LDHC: variants seen among roughly 807,000 people sequenced by gnomAD.
LDHC encodes the protein L-lactate dehydrogenase C chain.
A neutral mutation model predicts 30.2 loss-of-function variants in LDHC; 20 were observed. The ratio of observed to expected loss-of-function variants is 0.66; its 90% CI spans 0.47 to 0.96. The LOEUF (loss-of-function observed/expected upper bound fraction) is 0.96, where lower values mean the gene tolerates loss of function less well. Ranked by LOEUF, LDHC falls within the 40% of genes least tolerant of loss-of-function variation. The pLI is 0.00. For synonymous variants in LDHC, 139 were observed against 132.7 expected, an observed-to-expected ratio of 1.05 and a Z score of -0.32; for missense variants, 362 against 394.9, an observed-to-expected ratio of 0.92 and a Z score of 0.71.
rs1028686893 is a variant in LDHC, at chr11:18,446,381, A to G, written c.834+48A>G. The G allele has an allele frequency of 2.3e-6, 3 of 1,323,654 alleles. No individual in the cohort carries two copies. In the African/African-American group the frequency reaches 4.4e-5, roughly 19 times the overall value. The allele number at this position is 1,323,654 out of a possible 1,614,324, so 82.0% of individuals were successfully genotyped here. ...TTTATCATTCTTTCCTTTAATATTTATTGGGTCACTACTATATGCCAGGCA... is the reference window on the plus strand; with the variant it reads ...TTTATCATTCTTTCCTTTAATATTTGTTGGGTCACTACTATATGCCAGGCA... On this transcript the variant is annotated intron_variant, in intron 7 of 7. Transcript: ENST00000541669.
intron 6 of LDHC, among the ~76,000 whole-genome samples, chr11:18,441,880 T>C (rs926431956): frequency 1.3e-5 from 2 of 152,082 alleles, no homozygotes; most frequent in Non-Finnish European, 2.9e-5. Flanking sequence ...CACTCCAGCA[T>C]GGGCGACAGA....
chr11:18,441,784 C>A (rs951049907), intron 6 of LDHC, among the ~76,000 whole-genome samples: 2 of 151,672 alleles, frequency 1.3e-5, no homozygotes, highest in African/African-American at 4.8e-5. Context: ...TGGTGGCGGG[C>A]GCCTGTAATC....
At chr11:18,424,777 G>T (rs1201335330) in intron 3 of LDHC, among the ~76,000 whole-genome samples, 3 of 152,240 alleles carry the variant, frequency 2.0e-5, no homozygotes, top group Non-Finnish European at 4.4e-5. Flanking sequence ...GGAGGCCGAG[G>T]TGGGCGGATC....
intron 3 of LDHC, among the ~76,000 whole-genome samples, chr11:18,419,000 C>T (rs1410753815): frequency 6.6e-6 from 1 of 152,114 alleles, no homozygotes; most frequent in African/African-American, 2.4e-5. Context: ...ACATGGTGGA[C>T]ATCAATTTTG....
intron 6 of LDHC, among the ~76,000 whole-genome samples, chr11:18,439,545 A>G (rs1249205485): frequency 3.4e-5 from 5 of 144,988 alleles, no homozygotes; most frequent in African/African-American, 1.3e-4. Context: ...CCTGGGCAAC[A>G]AGAGTGAAAC....
chr11:18,414,209 A>G (rs1866962351), intron 2 of LDHC, among the ~76,000 whole-genome samples: 1 of 152,206 alleles, frequency 6.6e-6, no homozygotes, highest in Non-Finnish European at 1.5e-5. Flanking sequence ...TTCAAACTTC[A>G]TAGACATGCT....
At chr11:18,424,530 G>A (rs2134053386) in intron 3 of LDHC, among the ~76,000 whole-genome samples, 1 of 152,260 alleles carries the variant, frequency 6.6e-6, no homozygotes, top group South Asian at 2.1e-4. Flanking sequence ...AGAACGTATT[G>A]TAGTAGCCCC....
At chr11:18,443,360 C>T (rs1371324810) in intron 6 of LDHC, among the ~76,000 whole-genome samples, 1 of 152,108 alleles carries the variant, frequency 6.6e-6, no homozygotes, top group Non-Finnish European at 1.5e-5. Flanking sequence ...TATGGAGCAG[C>T]CCATCTACCT....
intron 3 of LDHC, among the ~76,000 whole-genome samples, chr11:18,426,757 T>G (rs1336866913): frequency 1.3e-5 from 2 of 152,104 alleles, no homozygotes; most frequent in South Asian, 4.1e-4. Flanking sequence ...ATATGATAAA[T>G]AATGAATGAT....
chr11:18,442,420 T>G (rs1848482276), intron 6 of LDHC, among the ~76,000 whole-genome samples: 1 of 152,184 alleles, frequency 6.6e-6, no homozygotes, highest in African/African-American at 2.4e-5. Flanking sequence ...TCATATATTC[T>G]TCAGAGTTCA....
intron 2 of LDHC, among the ~76,000 whole-genome samples, chr11:18,413,240 C>T (rs1482481009): frequency 6.6e-6 from 1 of 151,606 alleles, no homozygotes; most frequent in Non-Finnish European, 1.5e-5. Context: ...CACCACCAGG[C>T]CTGGCTAATT....
At chr11:18,450,142 A>G (rs959068312) in intron 7 of LDHC, 6 of 152,338 alleles carry the variant, frequency 3.9e-5, no homozygotes, top group Admixed American at 2.0e-4. Flanking sequence ...GGAGGATAGT[A>G]TGGAGGTGGT....
At position 18,452,029 on chromosome 11, in the gene LDHC, C is replaced by A. The variant is rs1848663005; in HGVS notation, c.*902C>A. The A allele has an allele frequency of 6.6e-6, 1 of 152,182 alleles. No homozygotes were observed. The highest frequency in any genetic ancestry group is 2.4e-5 in the African/African-American group (1 of 41,450). 9.4% of individuals were successfully genotyped at this position (152,182 alleles called of 1,614,324 possible). Reference sequence around the variant, plus strand: ...AAAATCTAAATAAGATTGTATTCAACTCTGCAAGTATTATACTAGTCATAT... The same window carrying A: ...AAAATCTAAATAAGATTGTATTCAAATCTGCAAGTATTATACTAGTCATAT... On this transcript the variant is annotated 3_prime_UTR_variant, in exon 8 of 8. Transcript: ENST00000541669.
chr11:18,429,049 A>G (rs1848216145), intron 3 of LDHC, among the ~76,000 whole-genome samples: 1 of 151,010 alleles, frequency 6.6e-6, no homozygotes, highest in Non-Finnish European at 1.5e-5. Context: ...AAGTAAATAC[A>G]TTCTCACTCT....
At chr11:18,441,385 T>C (rs1480900125) in intron 6 of LDHC, among the ~76,000 whole-genome samples, 2 of 151,846 alleles carry the variant, frequency 1.3e-5, no homozygotes, top group Non-Finnish European at 1.5e-5. Flanking sequence ...TGGTGTGGTC[T>C]CTGCACTCCG....
At chr11:18,429,215 C>T (rs1026325823) in intron 3 of LDHC, among the ~76,000 whole-genome samples, 1 of 143,684 alleles carries the variant, frequency 7.0e-6, no homozygotes, top group Non-Finnish European at 1.5e-5. Context: ...CAGGTTCAAG[C>T]GATTCTCCTG....
chr11:18,445,073 G>GA (rs1848532842), intron 6 of LDHC, among the ~76,000 whole-genome samples: 1 of 152,028 alleles, frequency 6.6e-6, no homozygotes, highest in Non-Finnish European at 1.5e-5. Context: ...ATTTTCCTTT[G>GA]AAAATGTATC....
chr11:18,428,811 G>A (rs1848210975), intron 3 of LDHC, among the ~76,000 whole-genome samples: 1 of 151,234 alleles, frequency 6.6e-6, no homozygotes, highest in South Asian at 2.1e-4. Flanking sequence ...AGTGGCAGAC[G>A]TTGCAGTGAG....
At chr11:18,444,491 T>A (rs575637073) in intron 6 of LDHC, among the ~76,000 whole-genome samples, 1 of 151,548 alleles carries the variant, frequency 6.6e-6, no homozygotes, top group East Asian at 1.9e-4. Flanking sequence ...AAAGTACTTT[T>A]GTCATCAAAA....
Sources: allele counts gnomAD v4.1 joint callset (sites outside exome capture counted in the v4.1 genomes callset), GRCh38; gene constraint gnomAD v4.1.1; transcripts MANE v1.5; gene names NCBI Gene and HGNC (gene_info 2026-07-23, HGNC 2026-07-21).